MERTK: variants seen among roughly 807,000 people sequenced by gnomAD.
MERTK encodes tyrosine-protein kinase Mer.
In MERTK, 69 loss-of-function variants were observed where a neutral mutation model predicts 99.3. The ratio of observed to expected loss-of-function variants is 0.70; its 90% CI spans 0.57 to 0.85. The LOEUF (loss-of-function observed/expected upper bound fraction) is 0.85, where lower values mean the gene tolerates loss of function less well. Ranked by LOEUF, MERTK falls within the 40% of genes least tolerant of loss-of-function variation. The pLI, the probability that MERTK is intolerant of heterozygous loss-of-function variation, is 0.00. For missense variants in MERTK, 1,125 were observed against 1,249.4 expected (o/e 0.90, Z 1.50); for synonymous variants, 426 against 467.6 (o/e 0.91, Z 1.15).
chr2:111,977,713 T>G (rs895301410), intron 7 of MERTK, among the ~76,000 whole-genome samples: 2 of 152,196 alleles, frequency 1.3e-5, no homozygotes, highest in Non-Finnish European at 2.9e-5. Flanking sequence ...AGTTGTCCCA[T>G]AACTCACTGA....
chr2:112,028,941 T>C lies in MERTK; in HGVS notation c.*77T>C, dbSNP rs1008238810. On this transcript the variant is annotated 3_prime_UTR_variant, in exon 19 of 19. Coordinates refer to ENST00000295408, the MANE Select transcript of MERTK (RefSeq NM_006343.3). Reference sequence around the variant, plus strand: ...GAGAATCCAATTGTACCTGATGTTTTTGGTATTTGTCTTCCTTACCAAGTG... The same window carrying C: ...GAGAATCCAATTGTACCTGATGTTTCTGGTATTTGTCTTCCTTACCAAGTG... The C allele has an allele frequency of 1.2e-6, 2 of 1,602,494 alleles. No homozygotes were observed. Among genetic ancestry groups the C allele is most frequent in the African/African-American group, 2.7e-5 (2 of 74,534 alleles).
chr2:112,019,634 G>C, intron 16 of MERTK, 112 bp downstream of exon 16: 23 of 834,946 alleles, frequency 2.8e-5, no homozygotes, highest in South Asian at 2.7e-4. Context: ...TGCAGTCAGC[G>C]GGGGATGGTG....
intron 2 of MERTK, among the ~76,000 whole-genome samples, chr2:111,943,363 G>A (rs1684898482): frequency 6.6e-6 from 1 of 152,110 alleles, no homozygotes; most frequent in Non-Finnish European, 1.5e-5. Flanking sequence ...CCTCTGGAGA[G>A]CATCTGAAAG....
chr2:111,940,613 G>A, intron 2 of MERTK: 3 of 662,440 alleles, frequency 4.5e-6, no homozygotes, highest in Non-Finnish European at 8.8e-6. Context: ...CATTGAACCT[G>A]AAGCAGGTTA....
At chr2:111,947,722 G>T (rs978331254) in intron 4 of MERTK, among the ~76,000 whole-genome samples, 155 bp downstream of exon 4, 1 of 152,204 alleles carries the variant, frequency 6.6e-6, no homozygotes, top group Non-Finnish European at 1.5e-5. Context: ...CGGGAAGGCA[G>T]GTGGGAATCA....
intron 8 of MERTK, among the ~76,000 whole-genome samples, chr2:111,990,702 T>G (rs1573624371): frequency 6.6e-6 from 1 of 152,326 alleles, no homozygotes; most frequent in South Asian, 2.1e-4. Flanking sequence ...TGCATTATAT[T>G]TACCAGTTGG....
At chr2:111,941,230 T>G (rs1684861212) in intron 2 of MERTK, among the ~76,000 whole-genome samples, 1 of 152,208 alleles carries the variant, frequency 6.6e-6, no homozygotes, top group East Asian at 1.9e-4. Flanking sequence ...CTGATATATT[T>G]CCTTTGAGTT....
At chr2:112,004,053 G>A (rs1676930409) in intron 13 of MERTK, 69 bp downstream of exon 13, 1 of 1,342,138 alleles carries the variant, frequency 7.5e-7, no homozygotes, top group Non-Finnish European at 1.1e-6. Context: ...TGCTCCATGA[G>A]GCCATATGTC....
rs985189779 is a variant in MERTK at position 111,975,480 on chromosome 2, C to G, written c.1144+8C>G. The G allele has an allele frequency of 2.5e-6, 4 of 1,613,800 alleles. No individual in the cohort carries two copies. The Admixed American group carries it at 5.0e-5, about 20-fold the overall frequency. ...CCAGCACGACTGAAGGAGGTAATTC[C>G]TGGGGTTCAGAATGTATATTGCCCC... On this transcript the variant is annotated splice_region_variant and intron_variant, in intron 7 of 18. Coordinates refer to ENST00000295408, the MANE Select transcript of MERTK (RefSeq NM_006343.3).
At position 111,947,580 on chromosome 2, in the gene MERTK, T is replaced by A. The variant is rs3761701; in HGVS notation, c.757+13T>A. The A allele has an allele frequency of 5.0e-6, 8 of 1,613,408 alleles. No individual in the cohort carries two copies. The highest frequency in any genetic ancestry group is 6.8e-6 in the Non-Finnish European group (8 of 1,179,892). On this transcript the variant is annotated intron_variant, in intron 4 of 18. Coordinates refer to ENST00000295408, the MANE Select transcript of MERTK (RefSeq NM_006343.3). ...CTAACTGTTCCAGGTAAGTCCGAGC[T>A]GTGGGCTTATTGATTTATTCTCTAA... is the stretch of plus-strand genomic sequence containing the variant.
chr2:111,940,689 AT>A, intron 2 of MERTK: 1 of 762,786 alleles, frequency 1.3e-6, no homozygotes, highest in Non-Finnish European at 2.4e-6. Flanking sequence ...ATGGTTCTGC[AT>A]TTTTAGTTGC....
At chr2:112,022,138 A>C in intron 17 of MERTK, 120 bp from the exon 18 acceptor site, 1 of 1,419,092 alleles carries the variant, frequency 7.0e-7, no homozygotes, top group Admixed American at 1.8e-5. Context: ...CGTCTCACAC[A>C]TAATTGCCAG....
intron 13 of MERTK, among the ~76,000 whole-genome samples, chr2:112,007,177 C>T (rs1278506121): frequency 5.9e-5 from 9 of 152,144 alleles, no homozygotes; most frequent in African/African-American, 1.9e-4. Context: ...TTCTTTGAGA[C>T]GGAGTCTCGC....
chr2:111,971,772 C>G (rs1676123895), intron 6 of MERTK, among the ~76,000 whole-genome samples: 2 of 152,188 alleles, frequency 1.3e-5, no homozygotes, highest in Admixed American at 1.3e-4. Flanking sequence ...AATGTACATT[C>G]AGCTGTTGTT....
intron 6 of MERTK, among the ~76,000 whole-genome samples, chr2:111,970,457 G>A (rs538073161): frequency 6.6e-6 from 1 of 152,212 alleles, no homozygotes; most frequent in Non-Finnish European, 1.5e-5. Context: ...ACGCCCAGCT[G>A]AGATATATTT....
At chr2:112,005,915 T>C (rs1676970081) in intron 13 of MERTK, among the ~76,000 whole-genome samples, 1 of 152,168 alleles carries the variant, frequency 6.6e-6, no homozygotes, top group Non-Finnish European at 1.5e-5. Context: ...AGAGTATTGC[T>C]CTGTCGCCCA....
chr2:111,903,808 T>G (rs1340816373), intron 1 of MERTK, among the ~76,000 whole-genome samples: 4 of 152,194 alleles, frequency 2.6e-5, no homozygotes, highest in Non-Finnish European at 2.9e-5. Context: ...ATAGAATTGT[T>G]AGGAGGACGT....
chr2:112,014,836 A>G (rs1040839769), intron 15 of MERTK, among the ~76,000 whole-genome samples: 3 of 150,596 alleles, frequency 2.0e-5, no homozygotes, highest in African/African-American at 7.3e-5. Flanking sequence ...ACGGGGTTTC[A>G]CCATGTTGGT....
At chr2:111,913,251 G>T (rs1385114484) in intron 1 of MERTK, among the ~76,000 whole-genome samples, 1 of 152,182 alleles carries the variant, frequency 6.6e-6, no homozygotes, top group African/African-American at 2.4e-5. Context: ...TCTAGGTTGA[G>T]ATTTCCAATT....
Sources: gnomAD v4.1 joint callset for allele counts (sites outside exome capture counted in the v4.1 genomes callset) on GRCh38, gnomAD v4.1.1 for gene constraint, MANE v1.5 for transcripts, NCBI Gene and HGNC (gene_info 2026-07-23, HGNC 2026-07-21) for gene names.